COL21A1: variants seen among roughly 807,000 people sequenced by gnomAD.
The protein encoded by COL21A1 is collagen alpha-1(XXI) chain.
A neutral mutation model predicts 137.9 loss-of-function variants in COL21A1; 149 were observed. The observed-to-expected ratio is 1.08, with a 90% CI of 0.95 to 1.24. COL21A1 has a LOEUF of 1.24. Ranked by LOEUF, COL21A1 falls within the 50% of genes most tolerant of loss-of-function variation. The pLI is 0.00. For missense variants in COL21A1, 1,167 were observed against 1,158.4 expected (o/e 1.01, Z -0.11); for synonymous variants, 456 against 391.5 (o/e 1.16, Z -1.95).
chr6:56,077,124 C>T (rs1429957050), intron 18 of COL21A1, among the ~76,000 whole-genome samples: 1 of 151,222 alleles, frequency 6.6e-6, no homozygotes, highest in African/African-American at 2.4e-5. Flanking sequence ...GTTGTATAGT[C>T]TACAAAACTG....
In COL21A1 at chr6:56,243,583, T is replaced by C. The variant is rs189142789; in HGVS notation, c.-39+3804A>G. On this transcript the variant is annotated intron_variant, in intron 1 of 29. Transcript: ENST00000244728. ...TTCATTAAGGCCCAAAGTAAAATAA[T>C]AGCAAATTCTTATTAAGCACTTACT... 5.8e-3 allele frequency among the ~76,000 whole-genome samples: 883 copies of C among 152,300 alleles called. 3 individuals are homozygous for C. Among genetic ancestry groups the C allele is most frequent in the Non-Finnish European group, 7.9e-3 (535 of 67,994 alleles).
At chr6:56,099,953 C>T (rs183140604) in intron 17 of COL21A1, among the ~76,000 whole-genome samples, 16 of 152,280 alleles carry the variant, frequency 1.1e-4, no homozygotes, top group African/African-American at 2.4e-4. Flanking sequence ...ATTCCACACA[C>T]ACCAGGAGCT....
intron 1 of COL21A1, among the ~76,000 whole-genome samples, chr6:56,183,169 C>T (rs1361400531): frequency 1.3e-5 from 2 of 152,124 alleles, no homozygotes; most frequent in African/African-American, 2.4e-5. Flanking sequence ...AGTTTTCATA[C>T]ACCATCTAAA....
chr6:56,326,160 G>A (rs1165679638), intron 1 of COL21A1, among the ~76,000 whole-genome samples: 1 of 120,760 alleles, frequency 8.3e-6, no homozygotes, highest in African/African-American at 2.9e-5. Flanking sequence ...TATTTGATTA[G>A]ATATGTTGTC....
chr6:56,093,879 T>C (rs1219127855), intron 17 of COL21A1, among the ~76,000 whole-genome samples: 3 of 152,130 alleles, frequency 2.0e-5, no homozygotes, highest in Admixed American at 2.0e-4. Context: ...TCCTGGATAG[T>C]CTCATATCTT....
intron 1 of COL21A1, among the ~76,000 whole-genome samples, chr6:56,261,259 C>T (rs1763266044): frequency 6.6e-6 from 1 of 152,114 alleles, no homozygotes; most frequent in African/African-American, 2.4e-5. Context: ...CCTCTCTTGC[C>T]TGCCTCACCC....
intron 12 of COL21A1, among the ~76,000 whole-genome samples, chr6:56,140,157 A>G (rs1267822902): frequency 6.6e-6 from 1 of 152,198 alleles, no homozygotes; most frequent in African/African-American, 2.4e-5. Flanking sequence ...TACAATTTAA[A>G]TATATTAGTT....
rs537453589 is a variant in COL21A1, at chr6:56,239,968, T to A, written c.-39+7419A>T. On this transcript the variant is annotated intron_variant, in intron 1 of 29. Transcript: ENST00000244728. ...AGGGACCTGGTGGGAGATAATTGAA[T>A]CATGGGGATGATTTCCCCCATACTG... Among the ~76,000 whole-genome samples the A allele has an allele frequency of 2.6e-5, 4 of 152,266 alleles. No individual in the cohort carries two copies. The East Asian group carries it at 7.7e-4, about 29-fold the overall frequency.
intron 1 of COL21A1, among the ~76,000 whole-genome samples, chr6:56,322,857 C>A: frequency 7.4e-6 from 1 of 134,912 alleles, no homozygotes; most frequent in African/African-American, 2.7e-5. Flanking sequence ...ACCCAGAGGT[C>A]GATGGATCAA....
At chr6:56,078,296 T>C in intron 17 of COL21A1, 1 of 446,598 alleles carries the variant, frequency 2.2e-6, no homozygotes, top group South Asian at 1.6e-5. Flanking sequence ...TTGATGCATT[T>C]ACCCAACATG....
intron 1 of COL21A1, among the ~76,000 whole-genome samples, chr6:56,260,921 A>T (rs1030674834): frequency 2.1e-5 from 3 of 145,814 alleles, no homozygotes; most frequent in Non-Finnish European, 3.0e-5. Context: ...CTATACATTT[A>T]AAAAACCCTT....
intron 17 of COL21A1, among the ~76,000 whole-genome samples, chr6:56,100,687 T>A (rs1330938415): frequency 6.6e-6 from 1 of 152,148 alleles, no homozygotes; most frequent in Non-Finnish European, 1.5e-5. Flanking sequence ...CAGTACATAA[T>A]CATACACAAG....
chr6:56,352,150 A>G (rs1718668639), intron 1 of COL21A1, among the ~76,000 whole-genome samples: 1 of 149,436 alleles, frequency 6.7e-6, no homozygotes, highest in African/African-American at 2.4e-5. Flanking sequence ...ATCAAAATTG[A>G]TGCAAAAAAT....
At chr6:56,310,061 A>C (rs1225202493) in intron 1 of COL21A1, among the ~76,000 whole-genome samples, 14 of 152,176 alleles carry the variant, frequency 9.2e-5, no homozygotes, top group Admixed American at 9.2e-4. Flanking sequence ...TTGATAACTG[A>C]GTGAAAGGGT....
chr6:56,089,502 G>A (rs1768582980), intron 17 of COL21A1, among the ~76,000 whole-genome samples: 2 of 152,066 alleles, frequency 1.3e-5, no homozygotes, highest in South Asian at 4.2e-4. Context: ...TTTTAAAACT[G>A]TCAAAACGTT....
At chr6:56,067,429 T>C in intron 22 of COL21A1, 99 bp from the exon 23 acceptor site, 1 of 1,068,864 alleles carries the variant, frequency 9.4e-7, no homozygotes. Flanking sequence ...CAACATCTCG[T>C]GCAAACTCCA....
intron 1 of COL21A1, among the ~76,000 whole-genome samples, chr6:56,355,766 G>T (rs1765814092): frequency 6.6e-6 from 1 of 152,100 alleles, no homozygotes; most frequent in Admixed American, 6.6e-5. Flanking sequence ...ATGAGTTGAG[G>T]GTTGTTGGAG....
At chr6:56,206,164 C>A (rs1450393615) in intron 1 of COL21A1, among the ~76,000 whole-genome samples, 2 of 152,088 alleles carry the variant, frequency 1.3e-5, no homozygotes, top group African/African-American at 4.8e-5. Flanking sequence ...GGGCTAAATG[C>A]CCCAATTAAA....
At chr6:56,083,317 A>T (rs1425929206) in intron 17 of COL21A1, among the ~76,000 whole-genome samples, 1 of 151,924 alleles carries the variant, frequency 6.6e-6, no homozygotes, top group Non-Finnish European at 1.5e-5. Flanking sequence ...GGGCAACTAC[A>T]TTCCTTGGTT....
Sources: allele counts gnomAD v4.1 joint callset (sites outside exome capture counted in the v4.1 genomes callset), GRCh38; gene constraint gnomAD v4.1.1; transcripts MANE v1.5; gene names NCBI Gene and HGNC (gene_info 2026-07-23, HGNC 2026-07-21).